The following SLCO5A1 variants were observed in gnomAD, a reference collection of about 807,000 sequenced individuals.
SLCO5A1 encodes the protein organic anion transporter polypeptide-related protein 4.
Under a neutral mutation model 65.1 loss-of-function variants are expected in SLCO5A1, and 39 were observed. The observed-to-expected ratio is 0.60, with a 90% CI of 0.46 to 0.78. The LOEUF is 0.78. SLCO5A1 is among the 30% of genes least tolerant of loss of function. The probability of loss-of-function intolerance (pLI) is 0.00; values close to 1 mark genes in which losing one functional copy is unlikely to be tolerated. For synonymous variants in SLCO5A1, 438 were observed against 415.7 expected (o/e 1.05, Z -0.65); for missense variants, 1,029 against 1,069.4 (o/e 0.96, Z 0.53).
chr8:69,790,191 C>CAAAAAAAAAA (rs374635955), intron 2 of SLCO5A1, among the ~76,000 whole-genome samples: 1 of 53,716 alleles, frequency 1.9e-5, no homozygotes, highest in African/African-American at 5.5e-5. Flanking sequence ...GACTCCTTCT[C>CAAAAAAAAAA]AAAAAAAAAA....
chr8:69,813,698 G>A (rs140427951), intron 2 of SLCO5A1, among the ~76,000 whole-genome samples: 1 of 152,334 alleles, frequency 6.6e-6, no homozygotes, highest in African/African-American at 2.4e-5. Context: ...GGAGACCTGA[G>A]TCTCAAGTTG....
At chr8:69,696,305 G>C (rs1814497121) in intron 6 of SLCO5A1, among the ~76,000 whole-genome samples, 1 of 152,230 alleles carries the variant, frequency 6.6e-6, no homozygotes, top group Non-Finnish European at 1.5e-5. Context: ...ATGGCAAGTA[G>C]ATAGGCATGG....
chr8:69,764,714 A>G (rs973535930), intron 2 of SLCO5A1, among the ~76,000 whole-genome samples: 3 of 152,254 alleles, frequency 2.0e-5, no homozygotes, highest in Non-Finnish European at 4.4e-5. Context: ...ACGCATATGA[A>G]GACAACACTT....
In SLCO5A1 at chr8:69,679,758, C is replaced by G. The variant is rs551903332; in HGVS notation, c.1783-139G>C. 26 of 1,207,806 alleles carry G rather than the reference C, an allele frequency of 2.2e-5. No individual in the cohort carries two copies. The East Asian group carries it at 4.2e-4, about 20-fold the overall frequency. 74.8% of individuals were successfully genotyped at this position (1,207,806 alleles called of 1,614,324 possible). A position where few individuals can be genotyped will look rare whatever the true frequency, so the allele number is the denominator to read the frequency against. On this transcript the variant is annotated intron_variant, in intron 7 of 9. Coordinates refer to ENST00000260126, the MANE Select transcript of SLCO5A1 (RefSeq NM_030958.3). ...AACACAAAATATTTCATTGAAAGTA[C>G]CTTCCTCATTGGTAACAGTAAGGAT...
At chr8:69,756,407 A>C (rs569356621) in intron 3 of SLCO5A1, among the ~76,000 whole-genome samples, 1 of 152,182 alleles carries the variant, frequency 6.6e-6, no homozygotes, top group African/African-American at 2.4e-5. Context: ...GCAAAACTTA[A>C]AAAAAATAAA....
chr8:69,793,635 G>A (rs542152174), intron 2 of SLCO5A1, among the ~76,000 whole-genome samples: 6 of 151,940 alleles, frequency 3.9e-5, no homozygotes, highest in Middle Eastern at 3.4e-3. Context: ...AAAATTAACC[G>A]GGTGTGGTGG....
intron 4 of SLCO5A1, among the ~76,000 whole-genome samples, chr8:69,755,203 T>C (rs1392540931): frequency 1.3e-5 from 2 of 152,228 alleles, no homozygotes; most frequent in African/African-American, 4.8e-5. Context: ...AATTAATTTT[T>C]AAATAACATA....
chr8:69,668,013 A>C lies in SLCO5A1; in HGVS notation c.*4856T>G, dbSNP rs1480251361. ...TCAGTGGCGCTTTTTAGTGGTGAACATGCGTCATTAAATACTTTTTAGCAC... is the reference window on the plus strand; with the variant it reads ...TCAGTGGCGCTTTTTAGTGGTGAACCTGCGTCATTAAATACTTTTTAGCAC... On this transcript the variant is annotated 3_prime_UTR_variant, in exon 10 of 10. Transcript: ENST00000260126. 6.6e-6 allele frequency: 1 copy of C among 152,228 alleles called. No individual in the cohort carries two copies. Among genetic ancestry groups the C allele is most frequent in the Non-Finnish European group, 1.5e-5 (1 of 68,038 alleles). The allele number at this position is 152,228 out of a possible 1,614,324, so 9.4% of individuals were successfully genotyped here.
chr8:69,726,496 CTT>C (rs1554613253), intron 5 of SLCO5A1, among the ~76,000 whole-genome samples: 28 of 114,986 alleles, frequency 2.4e-4, no homozygotes, highest in Admixed American at 3.3e-4. Flanking sequence ...TTCCTACCTC[CTT>C]TTTTTTTTTT....
intron 2 of SLCO5A1, among the ~76,000 whole-genome samples, chr8:69,820,274 G>T (rs1201847018): frequency 6.6e-6 from 1 of 152,196 alleles, no homozygotes; most frequent in Non-Finnish European, 1.5e-5. Context: ...TTGTCACTAA[G>T]AACAGCCCAG....
At chr8:69,735,370 G>A (rs1352014078) in intron 5 of SLCO5A1, among the ~76,000 whole-genome samples, 1 of 152,078 alleles carries the variant, frequency 6.6e-6, no homozygotes, top group Non-Finnish European at 1.5e-5. Flanking sequence ...GCGTGCACAC[G>A]TATGTTCATT....
chr8:69,673,032 C>G lies in SLCO5A1; in HGVS notation c.2384G>C (p.Cys795Ser). ...GHPDNARTRS[C>S]PAFSTQGEFH... ...TTCTCCCTGGGTGCTGAAAGCTGGG[C>G]AAGATCTAGTCCGGGCATTGTCGGG... Residue 795 changes from cysteine to serine, a missense_variant, in exon 10 of 10, where the codon TGC becomes TCC. Coordinates refer to ENST00000260126, the MANE Select transcript of SLCO5A1 (RefSeq NM_030958.3). 1 of 1,614,202 alleles carries G rather than the reference C, an allele frequency of 6.2e-7. No individual in the cohort carries two copies. The highest frequency in any genetic ancestry group is 8.5e-7 in the Non-Finnish European group (1 of 1,180,028).
intron 2 of SLCO5A1, among the ~76,000 whole-genome samples, chr8:69,797,212 T>C (rs1819541912): frequency 6.6e-6 from 1 of 152,224 alleles, no homozygotes; most frequent in African/African-American, 2.4e-5. Context: ...ACATAAATTG[T>C]GAAGATTTCA....
At position 69,786,485 on chromosome 8, in the gene SLCO5A1, A is replaced by G. The variant is rs181485898; in HGVS notation, c.908-24610T>C. Among the ~76,000 whole-genome samples, 335 of 152,350 alleles carry G rather than the reference A, an allele frequency of 2.2e-3. 1 individual carries two copies. Among genetic ancestry groups the G allele is most frequent in the African/African-American group, 7.5e-3 (311 of 41,580 alleles). ...CCTAGCAGGCTTCAGTGCTTAAGCT[A>G]CAACAATTAATGTGATGTACCAAAT... is the stretch of plus-strand genomic sequence containing the variant. On this transcript the variant is annotated intron_variant, in intron 2 of 9. Transcript: ENST00000260126.
intron 5 of SLCO5A1, among the ~76,000 whole-genome samples, chr8:69,734,155 T>G (rs1816454934): frequency 1.3e-5 from 2 of 152,142 alleles, no homozygotes; most frequent in Non-Finnish European, 2.9e-5. Context: ...GATTACAGCA[T>G]GAGAGAAGTG....
chr8:69,752,534 T>C (rs1209204819), intron 4 of SLCO5A1, among the ~76,000 whole-genome samples: 1 of 152,130 alleles, frequency 6.6e-6, no homozygotes, highest in African/African-American at 2.4e-5. Flanking sequence ...CTTCAGGTGA[T>C]ATGTATTAGA....
At chr8:69,699,097 G>C (rs970346099) in intron 6 of SLCO5A1, among the ~76,000 whole-genome samples, 5 of 152,170 alleles carry the variant, frequency 3.3e-5, no homozygotes, top group Admixed American at 2.6e-4. Flanking sequence ...TAGACCTTGA[G>C]GACAGTAACA....
chr8:69,819,310 A>G (rs1466126864), intron 2 of SLCO5A1, among the ~76,000 whole-genome samples: 4 of 151,262 alleles, frequency 2.6e-5, no homozygotes, highest in Non-Finnish European at 4.4e-5. Flanking sequence ...CATTCCTGGC[A>G]TAAGTACCAC....
chr8:69,678,310 T>C (rs1458097477), intron 8 of SLCO5A1, among the ~76,000 whole-genome samples: 4 of 152,162 alleles, frequency 2.6e-5, no homozygotes, highest in Admixed American at 6.5e-5. Flanking sequence ...AACAGGTTTA[T>C]TGGGGGTCTG....
Sources: gnomAD v4.1 joint callset for allele counts (sites outside exome capture counted in the v4.1 genomes callset) on GRCh38, gnomAD v4.1.1 for gene constraint, MANE v1.5 for transcripts, NCBI Gene and HGNC (gene_info 2026-07-23, HGNC 2026-07-21) for gene names.